Variants in ATF2 observed in about 807,000 individuals in gnomAD.
The protein encoded by ATF2 is cyclic AMP-dependent transcription factor ATF-2.
A neutral mutation model predicts 60.6 loss-of-function variants in ATF2; 24 were observed. That is an observed-to-expected ratio of 0.40 (90% confidence interval 0.29 to 0.56). The LOEUF (loss-of-function observed/expected upper bound fraction) is 0.56. ATF2 is among the 20% of genes least tolerant of loss of function. ATF2 has a pLI of 0.54. For missense variants in ATF2, 433 were observed against 607.7 expected (o/e 0.71, Z 3.02); for synonymous variants, 206 against 215.4 (o/e 0.96, Z 0.38).
chr2:175,139,488 A>G (rs1698358308), intron 2 of ATF2, among the ~76,000 whole-genome samples: 1 of 152,020 alleles, frequency 6.6e-6, no homozygotes, highest in Non-Finnish European at 1.5e-5. Flanking sequence ...CCTGGCCAAC[A>G]TGGTGAAACC....
At chr2:175,093,009 T>A in intron 12 of ATF2, 52 bp downstream of exon 12, 1 of 1,577,782 alleles carries the variant, frequency 6.3e-7, no homozygotes, top group Non-Finnish European at 8.6e-7. Context: ...AAAATCTATG[T>A]TCACAATTAT....
intron 10 of ATF2, 147 bp from the exon 11 acceptor site, chr2:175,097,740 T>A: frequency 1.2e-6 from 1 of 845,090 alleles, no homozygotes; most frequent in Non-Finnish European, 1.8e-6. Context: ...CTGTTCCTAG[T>A]GAATTTTGAG....
At chr2:175,077,207 T>C (rs941276918) in intron 13 of ATF2, among the ~76,000 whole-genome samples, 3 of 152,144 alleles carry the variant, frequency 2.0e-5, no homozygotes, top group African/African-American at 7.2e-5. Context: ...TTGTTGGACA[T>C]TTGGGTTGGT....
intron 10 of ATF2, among the ~76,000 whole-genome samples, chr2:175,101,135 T>C (rs948105880): frequency 2.6e-5 from 4 of 152,146 alleles, no homozygotes; most frequent in African/African-American, 9.7e-5. Context: ...CAGAAACAAC[T>C]ATATTAGTAG....
intron 1 of ATF2, among the ~76,000 whole-genome samples, chr2:175,155,379 T>C (rs1699609470): frequency 6.6e-6 from 1 of 152,356 alleles, no homozygotes; most frequent in South Asian, 2.1e-4. Context: ...AGCTTCTGGC[T>C]TTCCCTGTCT....
intron 4 of ATF2, among the ~76,000 whole-genome samples, chr2:175,129,419 G>C (rs377103498): frequency 1.7e-4 from 26 of 151,938 alleles, no homozygotes; most frequent in African/African-American, 5.5e-4. Flanking sequence ...TTATCAAATG[G>C]TACATTTTAA....
intron 10 of ATF2, among the ~76,000 whole-genome samples, chr2:175,106,815 G>A (rs564945738): frequency 7.2e-5 from 11 of 152,036 alleles, no homozygotes; most frequent in East Asian, 1.9e-4. Flanking sequence ...CAGCCTGGGC[G>A]ACAGAGCAAG....
At chr2:175,133,051 T>C (rs1332033444) in intron 3 of ATF2, among the ~76,000 whole-genome samples, 1 of 151,114 alleles carries the variant, frequency 6.6e-6, no homozygotes, top group African/African-American at 2.4e-5. Context: ...ACTGTACCAC[T>C]GCACTCCAGC....
intron 10 of ATF2, among the ~76,000 whole-genome samples, chr2:175,109,168 TAAAAAAAAAAAA>T (rs66812318): frequency 3.6e-5 from 3 of 82,608 alleles, no homozygotes; most frequent in South Asian, 5.5e-4. Context: ...GAATGATCAA[TAAAAAAAAAAAA>T]AAAAAAAAAA....
At chr2:175,125,728 A>T (rs1697284644) in intron 4 of ATF2, among the ~76,000 whole-genome samples, 1 of 152,154 alleles carries the variant, frequency 6.6e-6, no homozygotes. Context: ...AGTGACTTAA[A>T]GCCATGCTTT....
At position 175,167,283 on chromosome 2, in the gene ATF2, T is replaced by C. The variant is rs186576512; in HGVS notation, c.-143+767A>G. 4.0e-5 allele frequency among the ~76,000 whole-genome samples: 6 copies of C among 151,598 alleles called. No individual in the cohort carries two copies. In the East Asian group the frequency reaches 9.7e-4, roughly 24 times the overall value. On this transcript the variant is annotated intron_variant, in intron 1 of 13. Coordinates refer to ENST00000264110, the MANE Select transcript of ATF2 (RefSeq NM_001880.4). ...CCTAGGGCATTGATGAAAAGCAAATTATTTCTTTACATACGCTCTGCTGTC... is the reference window on the plus strand; with the variant it reads ...CCTAGGGCATTGATGAAAAGCAAATCATTTCTTTACATACGCTCTGCTGTC...
chr2:175,157,373 A>G (rs1246750551), intron 1 of ATF2, among the ~76,000 whole-genome samples: 1 of 152,172 alleles, frequency 6.6e-6, no homozygotes, highest in Non-Finnish European at 1.5e-5. Flanking sequence ...ACGCAGGGTG[A>G]GAGCTCACAA....
chr2:175,120,218 G>A (rs181647293), intron 5 of ATF2, among the ~76,000 whole-genome samples: 1 of 151,570 alleles, frequency 6.6e-6, no homozygotes, highest in Non-Finnish European at 1.5e-5. Flanking sequence ...ATGCCTAGGA[G>A]AGTGAACTTT....
intron 1 of ATF2, chr2:175,167,571 C>T (rs760461345): frequency 1.3e-5 from 6 of 470,852 alleles, no homozygotes; most frequent in African/African-American, 4.0e-5. Context: ...ATACACGGTC[C>T]TCAATCGCTT....
Position 175,114,921 on chromosome 2 carries a change from C to A in ATF2, c.448-53G>T, listed in dbSNP as rs1696446425. 8 of 1,555,902 alleles carry A rather than the reference C, an allele frequency of 5.1e-6. No individual in the cohort carries two copies. In the South Asian group the frequency reaches 9.5e-5, roughly 18 times the overall value. On this transcript the variant is annotated intron_variant, in intron 7 of 13. Transcript: ENST00000264110. ...GGCATTTAAAAATACAAATCATGTA[C>A]CTTAGTGAACAGAATGTAACACACT...
intron 1 of ATF2, among the ~76,000 whole-genome samples, chr2:175,160,059 A>G (rs1457181342): frequency 2.0e-5 from 3 of 152,246 alleles, no homozygotes; most frequent in Non-Finnish European, 4.4e-5. Context: ...ATACATCAAT[A>G]AAAATTTCTC....
chr2:175,162,815 A>T (rs1700103351), intron 1 of ATF2, among the ~76,000 whole-genome samples: 1 of 152,154 alleles, frequency 6.6e-6, no homozygotes, highest in Admixed American at 6.6e-5. Flanking sequence ...GTTGATATAT[A>T]AAAAAATTGT....
intron 11 of ATF2, among the ~76,000 whole-genome samples, chr2:175,095,097 T>C (rs1694839652): frequency 6.6e-6 from 1 of 152,012 alleles, no homozygotes. Flanking sequence ...CTCCTATTTT[T>C]CTTTTTCTTT....
intron 3 of ATF2, among the ~76,000 whole-genome samples, chr2:175,133,102 AT>A (rs1213296670): frequency 2.6e-5 from 4 of 151,862 alleles, no homozygotes; most frequent in Non-Finnish European, 4.4e-5. Flanking sequence ...AAAAAAAAAA[AT>A]AAATAAATAA....
Sources: allele counts gnomAD v4.1 joint callset (sites outside exome capture counted in the v4.1 genomes callset), GRCh38; gene constraint gnomAD v4.1.1; transcripts MANE v1.5; gene names NCBI Gene and HGNC (gene_info 2026-07-23, HGNC 2026-07-21).